The following ARHGAP24 variants were observed in gnomAD, a reference collection of about 807,000 sequenced individuals.
The protein encoded by ARHGAP24 is rho GTPase-activating protein 24.
Under a neutral mutation model 76.4 loss-of-function variants are expected in ARHGAP24, and 50 were observed. The ratio of observed to expected loss-of-function variants is 0.65; its 90% CI spans 0.52 to 0.83. The LOEUF (loss-of-function observed/expected upper bound fraction) is 0.83. Among genes scored for constraint, ARHGAP24 ranks in the 40% least tolerant of loss-of-function variants. The pLI is 0.00. For synonymous variants in ARHGAP24, 345 were observed against 323.3 expected (o/e 1.07, Z -0.72); for missense variants, 930 against 914.2 (o/e 1.02, Z -0.22).
At chr4:85,823,400 A>C (rs530575887) in intron 3 of ARHGAP24, among the ~76,000 whole-genome samples, 2 of 152,310 alleles carry the variant, frequency 1.3e-5, no homozygotes, top group South Asian at 4.2e-4. Flanking sequence ...TGGCATATGA[A>C]TATACTTTTA....
intron 4 of ARHGAP24, chr4:85,931,169 A>C (rs1241612393): frequency 1.1e-5 from 10 of 918,036 alleles, no homozygotes; most frequent in Non-Finnish European, 1.6e-5. Context: ...TACAAGAGTG[A>C]TTTGTGCGTA....
intron 2 of ARHGAP24, among the ~76,000 whole-genome samples, chr4:85,620,595 A>G (rs185651462): frequency 6.6e-6 from 1 of 151,804 alleles, no homozygotes; most frequent in African/African-American, 2.4e-5. Flanking sequence ...TTTCAGCAAA[A>G]CAACTCTTAG....
chr4:85,708,425 CT>C (rs566412460), intron 2 of ARHGAP24, among the ~76,000 whole-genome samples: 4 of 151,058 alleles, frequency 2.6e-5, no homozygotes, highest in Admixed American at 6.6e-5. Flanking sequence ...GTGTAAGACT[CT>C]TTTTTTTTAG....
intron 1 of ARHGAP24, among the ~76,000 whole-genome samples, chr4:85,483,847 A>C (rs58241432): frequency 0.014 from 2,172 of 152,254 alleles, 55 homozygotes; most frequent in African/African-American, 0.049. Context: ...GAGAAATGCA[A>C]ATTACTGAGC....
intron 3 of ARHGAP24, among the ~76,000 whole-genome samples, chr4:85,922,485 GA>G (rs1735780881): frequency 1.3e-5 from 2 of 152,114 alleles, no homozygotes; most frequent in Admixed American, 6.5e-5. Flanking sequence ...ACTCAGATAT[GA>G]ATTAATTCAA....
intron 4 of ARHGAP24, among the ~76,000 whole-genome samples, chr4:85,937,476 G>T (rs543877474): frequency 6.6e-6 from 1 of 152,288 alleles, no homozygotes; most frequent in East Asian, 1.9e-4. Flanking sequence ...CCCAAATTGA[G>T]ATACAAACCT....
intron 3 of ARHGAP24, among the ~76,000 whole-genome samples, chr4:85,791,497 G>C (rs1485575517): frequency 6.6e-6 from 1 of 152,188 alleles, no homozygotes; most frequent in Admixed American, 6.5e-5. Flanking sequence ...AGGCACGAAA[G>C]AGAGTTATAT....
intron 3 of ARHGAP24, chr4:85,722,599 G>A (rs535141472): frequency 6.4e-6 from 1 of 156,098 alleles, no homozygotes; most frequent in East Asian, 1.9e-4. Flanking sequence ...CTAGTCATCT[G>A]TATTCATTCC....
chr4:85,581,387 G>A (rs1727604208), intron 2 of ARHGAP24, among the ~76,000 whole-genome samples: 2 of 151,864 alleles, frequency 1.3e-5, no homozygotes, highest in South Asian at 4.2e-4. Flanking sequence ...TCTAGATATG[G>A]GATTACAGAT....
chr4:85,995,747 G>T, intron 9 of ARHGAP24, 90 bp downstream of exon 9: 1 of 1,286,488 alleles, frequency 7.8e-7, no homozygotes, highest in Non-Finnish European at 1.1e-6. Context: ...ACATATGCTG[G>T]CTCCAAAGTC....
intron 7 of ARHGAP24, among the ~76,000 whole-genome samples, chr4:85,976,517 GT>G (rs1171780688): frequency 6.6e-6 from 1 of 152,000 alleles, no homozygotes; most frequent in Non-Finnish European, 1.5e-5. Context: ...ACACATACTA[GT>G]ACTATATAAA....
intron 3 of ARHGAP24, among the ~76,000 whole-genome samples, chr4:85,913,599 C>A (rs983422838): frequency 6.6e-6 from 1 of 152,152 alleles, no homozygotes; most frequent in East Asian, 1.9e-4. Flanking sequence ...AGACCTCTCC[C>A]GTAAACTCCA....
intron 3 of ARHGAP24, among the ~76,000 whole-genome samples, chr4:85,740,707 C>A (rs1725791031): frequency 6.6e-6 from 1 of 152,156 alleles, no homozygotes; most frequent in Non-Finnish European, 1.5e-5. Context: ...GTCCTTCTTT[C>A]CTTCGTGTGA....
chr4:85,910,742 G>A (rs1735029437), intron 3 of ARHGAP24, among the ~76,000 whole-genome samples: 2 of 152,026 alleles, frequency 1.3e-5, no homozygotes, highest in Admixed American at 1.3e-4. Context: ...GGGTTTCATG[G>A]GCCTCAGAGG....
chr4:85,935,435 A>G (rs17011215), intron 4 of ARHGAP24, among the ~76,000 whole-genome samples: 30,742 of 152,230 alleles, frequency 0.2, 3,387 homozygotes, highest in South Asian at 0.42. Flanking sequence ...CCAGTGATTC[A>G]CATAAACTAA....
At chr4:85,887,160 G>A (rs1273174450) in intron 3 of ARHGAP24, among the ~76,000 whole-genome samples, 1 of 152,068 alleles carries the variant, frequency 6.6e-6, no homozygotes. Flanking sequence ...GTAAAAACTG[G>A]TGTATTTACT....
At chr4:85,514,843 A>AAAAAAT (rs1379272581) in intron 1 of ARHGAP24, among the ~76,000 whole-genome samples, 2 of 146,476 alleles carry the variant, frequency 1.4e-5, no homozygotes, top group Non-Finnish European at 1.5e-5. Flanking sequence ...AAAAAAAAAA[A>AAAAAAT]GTGATATTGT....
chr4:85,621,879 A>G (rs1012300887), intron 2 of ARHGAP24, among the ~76,000 whole-genome samples: 20 of 152,198 alleles, frequency 1.3e-4, no homozygotes, highest in African/African-American at 4.1e-4. Flanking sequence ...GAATTCTTTA[A>G]GGATTCTTAT....
At chr4:85,811,020 G>A (rs1578250792) in intron 3 of ARHGAP24, among the ~76,000 whole-genome samples, 1 of 149,140 alleles carries the variant, frequency 6.7e-6, no homozygotes. Context: ...GTTTGGAAGA[G>A]CTCTCTTTCA....
Sources: gnomAD v4.1 joint callset for allele counts (sites outside exome capture counted in the v4.1 genomes callset) on GRCh38, gnomAD v4.1.1 for gene constraint, MANE v1.5 for transcripts, NCBI Gene and HGNC (gene_info 2026-07-23, HGNC 2026-07-21) for gene names.